MYO1F: variants seen among roughly 807,000 people sequenced by gnomAD.
MYO1F encodes myosin IF, also known as unconventional myosin-If.
Under a neutral mutation model 146.6 loss-of-function variants are expected in MYO1F, and 60 were observed. The ratio of observed to expected loss-of-function variants is 0.41; its 90% CI spans 0.33 to 0.51. MYO1F has a LOEUF of 0.51. Among genes scored for constraint, MYO1F ranks in the 20% least tolerant of loss-of-function variants. MYO1F has a pLI of 0.25. For missense variants in MYO1F, 1,274 were observed against 1,534.3 expected (o/e 0.83, Z 2.83); for synonymous variants, 602 against 602.1 (o/e 1.00, Z 0.00).
In MYO1F at chr19:8,552,048, G is replaced by C. The variant is rs762112080; in HGVS notation, c.621C>G (p.Phe207Leu). The C allele has an allele frequency of 6.2e-7, 1 of 1,613,936 alleles. No individual in the cohort carries two copies. The highest frequency in any genetic ancestry group is 8.5e-7 in the Non-Finnish European group (1 of 1,180,008). Residue 207 changes from phenylalanine (F) to leucine (L), a missense_variant, in exon 7 of 28, where the codon TTC (phenylalanine) becomes TTG (leucine). Transcript: ENST00000644032. ...TTCCCTGCACCTGGTAGTAGATGTGGAAGTTCCTCTCATTTTCATTTTGCA... is the reference window on the plus strand; with the variant it reads ...TTCCCTGCACCTGGTAGTAGATGTGCAAGTTCCTCTCATTTTCATTTTGCA... ...VVMQNENERN[F>L]HIYYQLLEGA... is the part of the protein sequence containing the mutation.
chr19:8,526,030 TAA>T (rs564338507), intron 24 of MYO1F, among the ~76,000 whole-genome samples: 54 of 152,150 alleles, frequency 3.5e-4, no homozygotes, highest in African/African-American at 1.0e-3. Flanking sequence ...GGCCTTTGTT[TAA>T]AAGTCTGTCT....
intron 1 of MYO1F, among the ~76,000 whole-genome samples, chr19:8,563,704 C>G (rs12608739): frequency 0.35 from 52,317 of 150,904 alleles, 9,785 homozygotes; most frequent in East Asian, 0.6. Context: ...TAGAGATGGG[C>G]TTTCACTATG....
At chr19:8,573,359 A>G (rs1342941976) in intron 1 of MYO1F, among the ~76,000 whole-genome samples, 1 of 151,886 alleles carries the variant, frequency 6.6e-6, no homozygotes, top group Admixed American at 6.6e-5. Flanking sequence ...GACCACCATC[A>G]CCAACCAAAG....
intron 8 of MYO1F, chr19:8,551,471 C>T: frequency 2.2e-6 from 1 of 451,108 alleles, no homozygotes; most frequent in East Asian, 4.7e-5. Flanking sequence ...CCTGCCTCTG[C>T]CTCCCCAGTA....
intron 1 of MYO1F, among the ~76,000 whole-genome samples, chr19:8,559,387 G>A (rs1260593599): frequency 1.3e-5 from 2 of 151,768 alleles, no homozygotes; most frequent in Non-Finnish European, 2.9e-5. Flanking sequence ...TGGACATACT[G>A]ACAGTTAGAG....
Position 8,525,567 on chromosome 19 carries a change from A to C in MYO1F, c.2771-5T>G. 6.2e-7 allele frequency: 1 copy of C among 1,612,300 alleles called. No homozygotes were observed. The highest frequency in any genetic ancestry group is 1.1e-5 in the South Asian group (1 of 91,032). ...CCATTCCCTTCCGCGTAGGCTCTGA[A>C]AGAAGAGTGTCAGGGAGTTGAATGA... On this transcript the variant is annotated splice_polypyrimidine_tract_variant and splice_region_variant and intron_variant, in intron 24 of 27. Transcript: ENST00000644032.
At chr19:8,531,886 G>A (rs889080952) in intron 19 of MYO1F, among the ~76,000 whole-genome samples, 1 of 152,160 alleles carries the variant, frequency 6.6e-6, no homozygotes, top group African/African-American at 2.4e-5. Context: ...GGGAGGCCGA[G>A]GTGGGCGGAT....
At position 8,521,459 on chromosome 19, in the gene MYO1F, G is replaced by A. The variant is rs961550191; in HGVS notation, c.*69C>T. On this transcript the variant is annotated 3_prime_UTR_variant, in exon 28 of 28. Transcript: ENST00000644032. ...GGTAAACGAGGCTCTCATTGGCAGGGCCTGGCTCCCCACCAGGCCGGCAGG... is the reference window on the plus strand; with the variant it reads ...GGTAAACGAGGCTCTCATTGGCAGGACCTGGCTCCCCACCAGGCCGGCAGG... The A allele has an allele frequency of 2.0e-6, 3 of 1,534,918 alleles. No homozygotes were observed. The highest frequency in any genetic ancestry group is 2.7e-6 in the Non-Finnish European group (3 of 1,113,028).
intron 1 of MYO1F, 21 bp from the exon 2 acceptor site, chr19:8,555,817 C>G: frequency 6.2e-7 from 1 of 1,603,920 alleles, no homozygotes; most frequent in Non-Finnish European, 8.5e-7. Flanking sequence ...AGAGGGGGGT[C>G]GGGGTGAGCC....
At chr19:8,544,053 GT>G in intron 14 of MYO1F, 1 of 584,568 alleles carries the variant, frequency 1.7e-6, no homozygotes, top group Non-Finnish European at 3.0e-6. Context: ...GGTGGTGGTG[GT>G]GGTGGTGGTG....
rs1555733976 is a variant in MYO1F at position 8,577,055 on chromosome 19, G to A, written c.3+252C>T. The stretch of plus-strand genomic sequence containing the variant: ...TGTGATTCTCCCTGGGCCACCTTCT[G>A]TCTTCCAGGTCCTGCCCTATCCTTG... On this transcript the variant is annotated intron_variant, in intron 1 of 27. Coordinates refer to ENST00000644032, the MANE Select transcript of MYO1F (RefSeq NM_012335.4). The surrounding 1 kb of genome is among the most constrained non-coding windows in gnomAD (Gnocchi z 4.3). The A allele has an allele frequency of 1.6e-6, 1 of 607,546 alleles. No homozygotes were observed. The highest frequency in any genetic ancestry group is 2.9e-6 in the Non-Finnish European group (1 of 341,128). 37.6% of individuals were successfully genotyped at this position (607,546 alleles called of 1,614,324 possible). A position where few individuals can be genotyped will look rare whatever the true frequency, so the allele number is the denominator to read the frequency against.
intron 1 of MYO1F, among the ~76,000 whole-genome samples, chr19:8,561,472 T>TCTTTTTC (rs1568369009): frequency 1.0e-5 from 1 of 98,522 alleles, no homozygotes; most frequent in Non-Finnish European, 1.7e-5. Flanking sequence ...CTCTCTCTCT[T>TCTTTTTC]TCTTTTTCTC....
At chr19:8,547,326 C>T (rs1037452587) in intron 12 of MYO1F, among the ~76,000 whole-genome samples, 15 of 108,992 alleles carry the variant, frequency 1.4e-4, no homozygotes, top group Admixed American at 2.1e-4. Flanking sequence ...AAAAAAAAAG[C>T]GGGGAATGGT....
intron 21 of MYO1F, 108 bp from the exon 22 acceptor site, chr19:8,527,591 GGGA>G: frequency 7.1e-7 from 1 of 1,400,354 alleles, no homozygotes; most frequent in Non-Finnish European, 9.9e-7. Context: ...TGAGGAAGGT[GGGA>G]GCCCTCCAGG....
At chr19:8,548,426 C>T (rs775316073) in intron 10 of MYO1F, 109 bp from the exon 11 acceptor site, 3 of 984,890 alleles carry the variant, frequency 3.0e-6, no homozygotes, top group Admixed American at 2.0e-5. Flanking sequence ...GATGTCCCCT[C>T]ATGCCAGTTT....
chr19:8,543,972 C>CTGGTGG lies in MYO1F; in HGVS notation c.1524+324_1524+325insCCACCA, dbSNP rs1491271731. On this transcript the variant is annotated intron_variant, in intron 14 of 27. Coordinates refer to ENST00000644032, the MANE Select transcript of MYO1F (RefSeq NM_012335.4). ...GCTGGTGGTGGTGGTGGTGGTGGTG[C>CTGGTGG]TGGTGCTGGTGCTGGTGGTGGTGCT... 1.2e-4 allele frequency: 14 copies of CTGGTGG among 113,826 alleles called. 1 individual carries two copies. The highest frequency in any genetic ancestry group is 2.1e-4 in the Non-Finnish European group (14 of 66,930). 7.1% of individuals were successfully genotyped at this position (113,826 alleles called of 1,614,324 possible). A position where few individuals can be genotyped will look rare whatever the true frequency, so the allele number is the denominator to read the frequency against.
chr19:8,575,377 G>A (rs2146004442), intron 1 of MYO1F, among the ~76,000 whole-genome samples: 1 of 151,926 alleles, frequency 6.6e-6, no homozygotes, highest in Non-Finnish European at 1.5e-5. Flanking sequence ...ACCCGGCCGG[G>A]CATTAGATTG....
At chr19:8,561,993 G>T (rs561513224) in intron 1 of MYO1F, among the ~76,000 whole-genome samples, 2 of 151,016 alleles carry the variant, frequency 1.3e-5, no homozygotes, top group Non-Finnish European at 1.5e-5. Flanking sequence ...GGGATTACAG[G>T]CATGAGCCAC....
intron 1 of MYO1F, among the ~76,000 whole-genome samples, chr19:8,575,452 G>A (rs1180887513): frequency 1.4e-5 from 2 of 142,008 alleles, no homozygotes; most frequent in African/African-American, 5.3e-5. Context: ...GCGATCCTGT[G>A]ATAATCTAAT....
Sources: gnomAD v4.1 joint callset for allele counts (sites outside exome capture counted in the v4.1 genomes callset) on GRCh38, gnomAD v4.1.1 for gene constraint, Gnocchi (gnomAD v3.1) non-coding constraint, MANE v1.5 for transcripts, NCBI Gene and HGNC (gene_info 2026-07-23, HGNC 2026-07-21) for gene names.